Variants in INSYN2A observed in about 807,000 individuals in gnomAD.
INSYN2A encodes family with sequence similarity 196 member A.
Under a neutral mutation model 39.4 loss-of-function variants are expected in INSYN2A, and 17 were observed. The ratio of observed to expected loss-of-function variants is 0.43; its 90% CI spans 0.30 to 0.65. The LOEUF is 0.65. Ranked by LOEUF, INSYN2A falls within the 30% of genes least tolerant of loss-of-function variation. The pLI is 0.14. For synonymous variants in INSYN2A, 255 were observed against 265.7 expected (o/e 0.96, Z 0.39); for missense variants, 595 against 631.2 (o/e 0.94, Z 0.61).
Position 127,175,312 on chromosome 10 carries a change from G to A in INSYN2A, c.1084C>T (p.Leu362Phe), listed in dbSNP as rs2054979885. ...HTEVVDLKAQ[L>F]QMMENLISSS... ...CTGATCAAGTTCTCCATCATCTGAA[G>A]TTGTGCTTTGAGGTCGACCACTTCC... The change falls in exon 4 of 6, where the codon CTT becomes TTT. Residue 362 changes from leucine (L) to phenylalanine (F), a missense_variant. Leu to Phe is a conservative substitution (Grantham distance 22, BLOSUM62 0). Around this residue, in one of 2 missense-constraint regions of INSYN2A, gnomAD observed 117 missense variants for 163.8 expected, o/e 0.71. Transcript: ENST00000522781. This position sits in a 1 kb window ranked among gnomAD's most constrained non-coding sequence, Gnocchi z 6.3. 6.2e-7 allele frequency: 1 copy of A among 1,614,152 alleles called. No individual in the cohort carries two copies. The highest frequency in any genetic ancestry group is 8.5e-7 in the Non-Finnish European group (1 of 1,180,032).
At chr10:127,158,773 G>T (rs1485137371) in intron 4 of INSYN2A, among the ~76,000 whole-genome samples, 1 of 152,166 alleles carries the variant, frequency 6.6e-6, no homozygotes, top group Non-Finnish European at 1.5e-5. Context: ...GGATTTTGTG[G>T]CATTCACTAT....
At chr10:127,142,355 C>G (rs572491871) in intron 5 of INSYN2A, among the ~76,000 whole-genome samples, 37 of 152,308 alleles carry the variant, frequency 2.4e-4, no homozygotes, top group African/African-American at 7.5e-4. Flanking sequence ...TCTCCAGCAG[C>G]TCAGGAGGCA....
In INSYN2A at chr10:127,146,458, A is replaced by G. The variant is rs980832351; in HGVS notation, c.1256+7394T>C. Among the ~76,000 whole-genome samples the G allele has an allele frequency of 3.9e-5, 6 of 152,168 alleles. No homozygotes were observed. In the East Asian group the frequency reaches 1.2e-3, roughly 29 times the overall value. On this transcript the variant is annotated intron_variant, in intron 5 of 5. Coordinates refer to ENST00000522781, the MANE Select transcript of INSYN2A (RefSeq NM_001039762.3). Reference sequence around the variant, plus strand: ...TTGGATTTCAAATAGAAAAGAAAAAACTTGGATTATTAGCTTTGGGAATTT... The same window carrying G: ...TTGGATTTCAAATAGAAAAGAAAAAGCTTGGATTATTAGCTTTGGGAATTT...
intron 4 of INSYN2A, among the ~76,000 whole-genome samples, chr10:127,169,240 G>A (rs2054347404): frequency 6.6e-6 from 1 of 152,190 alleles, no homozygotes; most frequent in Non-Finnish European, 1.5e-5. Flanking sequence ...TGTATGGGCT[G>A]ATGAACAATT....
chr10:127,141,680 A>C (rs77858083), intron 5 of INSYN2A, among the ~76,000 whole-genome samples: 1,549 of 151,734 alleles, frequency 0.01, 24 homozygotes, highest in African/African-American at 0.031. Flanking sequence ...TTAAAACAAA[A>C]AAAAAAAAAA....
intron 5 of INSYN2A, among the ~76,000 whole-genome samples, chr10:127,152,582 T>C (rs980806677): frequency 6.6e-6 from 1 of 152,156 alleles, no homozygotes; most frequent in Non-Finnish European, 1.5e-5. Flanking sequence ...TCAGCACTAT[T>C]GACATTTGGG....
intron 4 of INSYN2A, among the ~76,000 whole-genome samples, chr10:127,166,295 G>A (rs1404953865): frequency 6.6e-6 from 1 of 151,978 alleles, no homozygotes; most frequent in Non-Finnish European, 1.5e-5. Context: ...TCGATCTCCT[G>A]ACCTCGTGAT....
chr10:127,158,457 C>G (rs1200322612), intron 4 of INSYN2A, among the ~76,000 whole-genome samples: 1 of 152,142 alleles, frequency 6.6e-6, no homozygotes, highest in Non-Finnish European at 1.5e-5. Context: ...TAATTGCTAC[C>G]TTTGTAAAGC....
In INSYN2A at chr10:127,157,652, C is replaced by A. The variant is rs1386667242; in HGVS notation, c.1185-3729G>T. On this transcript the variant is annotated intron_variant, in intron 4 of 5. Transcript: ENST00000522781. ...CATTGTGTTTTCTTTGGAGACATAT[C>A]TGTGGTCATTCTTTTTTTAGCTAGT... Among the ~76,000 whole-genome samples, 5 of 152,310 alleles carry A rather than the reference C, an allele frequency of 3.3e-5. No homozygotes were observed. The East Asian group carries it at 9.6e-4, about 29-fold the overall frequency.
intron 4 of INSYN2A, among the ~76,000 whole-genome samples, chr10:127,164,106 C>T (rs1295890979): frequency 2.1e-5 from 3 of 143,416 alleles, no homozygotes; most frequent in East Asian, 4.4e-4. Flanking sequence ...GTCAGCCGGG[C>T]TCCCTCTCCT....
In INSYN2A at chr10:127,135,993, T is replaced by C. The variant is rs2050659065; in HGVS notation, c.*1844A>G. The C allele has an allele frequency of 6.6e-6, 1 of 152,658 alleles. No individual in the cohort carries two copies. The highest frequency in any genetic ancestry group is 1.5e-5 in the Non-Finnish European group (1 of 68,042). The allele number at this position is 152,658 out of a possible 1,614,324, so 9.5% of individuals were successfully genotyped here. On this transcript the variant is annotated 3_prime_UTR_variant, in exon 6 of 6. Transcript: ENST00000522781. ...TCTACGTGAAACAGTTACACTTCCT[T>C]CATGTTACAGGATCAACTTCCTCAT...
At chr10:127,184,313 T>TCCC (rs112656641) in intron 2 of INSYN2A, among the ~76,000 whole-genome samples, 1 of 148,346 alleles carries the variant, frequency 6.7e-6, no homozygotes, top group African/African-American at 2.6e-5. Context: ...CTCAATTCAT[T>TCCC]CCCCCCCCAG....
Position 127,146,035 on chromosome 10 carries a change from C to T in INSYN2A, c.1256+7817G>A, listed in dbSNP as rs115515926. Reference sequence around the variant, plus strand: ...ACTCTATTCCCCATGGAATTTCATACGACCCAGCCCTAGACATCGTGGCCA... The same window carrying T: ...ACTCTATTCCCCATGGAATTTCATATGACCCAGCCCTAGACATCGTGGCCA... On this transcript the variant is annotated intron_variant, in intron 5 of 5. Coordinates refer to ENST00000522781, the MANE Select transcript of INSYN2A (RefSeq NM_001039762.3). 3,478 of 518,332 alleles carry T rather than the reference C, an allele frequency of 6.7e-3. 27 individuals are homozygous for T. The highest frequency in any genetic ancestry group is 0.03 in the African/African-American group (1,582 of 52,030). 32.1% of individuals were successfully genotyped at this position (518,332 alleles called of 1,614,324 possible).
intron 5 of INSYN2A, among the ~76,000 whole-genome samples, chr10:127,150,499 C>G (rs1457902317): frequency 6.6e-6 from 1 of 152,212 alleles, no homozygotes; most frequent in Admixed American, 6.5e-5. Context: ...TGGCCCTGTC[C>G]TTTCACGACA....
At chr10:127,183,781 A>G (rs888125135) in intron 2 of INSYN2A, among the ~76,000 whole-genome samples, 5 of 152,182 alleles carry the variant, frequency 3.3e-5, no homozygotes, top group Non-Finnish European at 4.4e-5. Flanking sequence ...CAAAAGGTCT[A>G]TATATTGTAT....
intron 2 of INSYN2A, among the ~76,000 whole-genome samples, chr10:127,181,928 C>A (rs981020110): frequency 6.6e-6 from 1 of 152,134 alleles, no homozygotes; most frequent in African/African-American, 2.4e-5. Context: ...ATTCATTATC[C>A]GGTTTAATTT....
intron 4 of INSYN2A, among the ~76,000 whole-genome samples, chr10:127,167,944 T>C (rs1413265863): frequency 6.6e-6 from 1 of 152,190 alleles, no homozygotes; most frequent in East Asian, 1.9e-4. Flanking sequence ...AGTAGCAAAG[T>C]AACCTCAAAG....
Position 127,137,426 on chromosome 10 carries a change from G to T in INSYN2A, c.*411C>A, listed in dbSNP as rs1399439230. On this transcript the variant is annotated 3_prime_UTR_variant, in exon 6 of 6. Transcript: ENST00000522781. ...AAATGAAGTCCTTCGCAAACATAAG[G>T]CTTGCTTTTTCTTCTCATTATTTAA... is the stretch of plus-strand genomic sequence containing the variant. 2 of 157,676 alleles carry T rather than the reference G, an allele frequency of 1.3e-5. No individual in the cohort carries two copies. Among genetic ancestry groups the T allele is most frequent in the South Asian group, 4.1e-4 (2 of 4,866 alleles). 9.8% of individuals were successfully genotyped at this position (157,676 alleles called of 1,614,324 possible). A position where few individuals can be genotyped will look rare whatever the true frequency, so the allele number is the denominator to read the frequency against.
At chr10:127,153,282 G>A (rs1564846042) in intron 5 of INSYN2A, among the ~76,000 whole-genome samples, 1 of 152,170 alleles carries the variant, frequency 6.6e-6, no homozygotes, top group South Asian at 2.1e-4. Flanking sequence ...GCTTCTTCCT[G>A]TTGGGAGTTT....
Sources: allele counts gnomAD v4.1 joint callset (sites outside exome capture counted in the v4.1 genomes callset), GRCh38; gene constraint gnomAD v4.1.1; regional missense constraint gnomAD v4.1.1; non-coding constraint Gnocchi (gnomAD v3.1); transcripts MANE v1.5; gene names NCBI Gene and HGNC (gene_info 2026-07-23, HGNC 2026-07-21).